The following LAMA2 variants were observed in gnomAD, a reference collection of about 807,000 sequenced individuals.
The protein encoded by LAMA2 is laminin subunit alpha 2, also known as laminin subunit alpha-2.
In LAMA2, 269 loss-of-function variants were observed where a neutral mutation model predicts 364.8. That is an observed-to-expected ratio of 0.74 (90% CI 0.67 to 0.82). The LOEUF is 0.82. LAMA2 is among the 40% of genes least tolerant of loss of function. The probability of loss-of-function intolerance (pLI) is 0.00; values close to 1 mark genes in which losing one functional copy is unlikely to be tolerated. For synonymous variants in LAMA2, 1,379 were observed against 1,370.6 expected (o/e 1.01, Z -0.14); for missense variants, 3,807 against 3,873.2 (o/e 0.98, Z 0.45).
chr6:129,193,432 A>T (rs1440808606), intron 12 of LAMA2, among the ~76,000 whole-genome samples: 1 of 152,256 alleles, frequency 6.6e-6, no homozygotes, highest in Admixed American at 6.5e-5. Flanking sequence ...TTTAAAGCCC[A>T]CACATATGTA....
At chr6:129,304,997 A>T (rs867512494) in intron 22 of LAMA2, among the ~76,000 whole-genome samples, 22 of 152,158 alleles carry the variant, frequency 1.4e-4, no homozygotes, top group African/African-American at 5.3e-4. Flanking sequence ...CGGTTTTTAG[A>T]TCTACATGTT....
At chr6:129,230,154 C>T (rs560025183) in intron 12 of LAMA2, among the ~76,000 whole-genome samples, 2 of 152,018 alleles carry the variant, frequency 1.3e-5, no homozygotes, top group Non-Finnish European at 2.9e-5. Flanking sequence ...TGAGGACGAA[C>T]TAGAAAGGAG....
chr6:128,941,847 C>T (rs1780181329), intron 1 of LAMA2, among the ~76,000 whole-genome samples: 1 of 152,082 alleles, frequency 6.6e-6, no homozygotes, highest in Admixed American at 6.6e-5. Context: ...TGCAGTTAGA[C>T]GTCATCACTG....
At chr6:129,499,621 G>A (rs903975019) in intron 58 of LAMA2, among the ~76,000 whole-genome samples, 6 of 152,282 alleles carry the variant, frequency 3.9e-5, no homozygotes, top group African/African-American at 1.4e-4. Context: ...TGAGCAGCTG[G>A]ATGAGCAGCT....
At chr6:129,204,108 A>G (rs1782468910) in intron 12 of LAMA2, among the ~76,000 whole-genome samples, 1 of 150,336 alleles carries the variant, frequency 6.7e-6, no homozygotes, top group Admixed American at 6.6e-5. Flanking sequence ...TGACAATCAG[A>G]GAGAGTTAAT....
intron 1 of LAMA2, among the ~76,000 whole-genome samples, chr6:128,918,655 A>T (rs1778503359): frequency 6.6e-6 from 1 of 152,150 alleles, no homozygotes; most frequent in African/African-American, 2.4e-5. Flanking sequence ...CCTTGTAACA[A>T]ATATAATATT....
chr6:129,239,608 T>A (rs1428377386), intron 12 of LAMA2, among the ~76,000 whole-genome samples: 3 of 152,166 alleles, frequency 2.0e-5, no homozygotes, highest in Non-Finnish European at 4.4e-5. Flanking sequence ...GACAGGTGGA[T>A]CTCTACTCAT....
chr6:128,886,917 G>A (rs2078163804), intron 1 of LAMA2, among the ~76,000 whole-genome samples: 1 of 152,180 alleles, frequency 6.6e-6, no homozygotes, highest in South Asian at 2.1e-4. Flanking sequence ...CCTCTACTGA[G>A]AGGAAGTTAA....
intron 29 of LAMA2, among the ~76,000 whole-genome samples, chr6:129,335,777 A>C (rs1378897232): frequency 6.6e-6 from 1 of 152,212 alleles, no homozygotes; most frequent in Non-Finnish European, 1.5e-5. Context: ...ATGCTAAGAA[A>C]ATGTAAGCAA....
intron 54 of LAMA2, among the ~76,000 whole-genome samples, chr6:129,480,511 TACAG>T (rs773025359): frequency 1.4e-4 from 21 of 152,044 alleles, no homozygotes; most frequent in Non-Finnish European, 2.8e-4. Flanking sequence ...TCATTTTAAA[TACAG>T]GGAGGAGGAG....
At chr6:129,268,385 A>G (rs747216489) in intron 16 of LAMA2, among the ~76,000 whole-genome samples, 2 of 152,070 alleles carry the variant, frequency 1.3e-5, no homozygotes, top group African/African-American at 2.4e-5. Context: ...ACTAACATGC[A>G]GTAGGAAATA....
chr6:129,006,706 C>A (rs575833684), intron 1 of LAMA2, among the ~76,000 whole-genome samples: 1 of 152,272 alleles, frequency 6.6e-6, no homozygotes, highest in East Asian at 1.9e-4. Flanking sequence ...TTAATACTCT[C>A]CTAGGGCTCT....
chr6:129,292,822 C>T, intron 20 of LAMA2: 1 of 985,790 alleles, frequency 1.0e-6, no homozygotes. Flanking sequence ...TGGCGGGATC[C>T]AGAGAAGCGA....
intron 61 of LAMA2, among the ~76,000 whole-genome samples, chr6:129,507,269 A>G (rs1346276871): frequency 6.6e-6 from 1 of 152,118 alleles, no homozygotes; most frequent in Non-Finnish European, 1.5e-5. Context: ...GTCATATTCC[A>G]GGATAGACAC....
chr6:129,025,075 A>G (rs976834063), intron 1 of LAMA2, among the ~76,000 whole-genome samples: 8 of 152,368 alleles, frequency 5.3e-5, no homozygotes, highest in African/African-American at 1.9e-4. Context: ...ATCTTGCAAC[A>G]GTAACAGTTT....
intron 1 of LAMA2, among the ~76,000 whole-genome samples, chr6:128,937,314 C>A (rs1280297534): frequency 2.0e-5 from 3 of 151,986 alleles, no homozygotes; most frequent in Non-Finnish European, 2.9e-5. Context: ...GAGATATTGG[C>A]CTGTAATTTT....
At chr6:129,502,805 G>A (rs371447590) in intron 59 of LAMA2, 34 bp downstream of exon 59, 67 of 1,305,980 alleles carry the variant, frequency 5.1e-5, no homozygotes, top group Non-Finnish European at 7.0e-5. Flanking sequence ...GGAAAGAACC[G>A]ATAAATGAAG....
chr6:129,341,094 A>G (rs1039700522), intron 29 of LAMA2, among the ~76,000 whole-genome samples: 1 of 152,220 alleles, frequency 6.6e-6, no homozygotes, highest in African/African-American at 2.4e-5. Context: ...TTCCATGGCA[A>G]TATCTGTGGT....
chr6:129,425,207 A>G (rs542801837), intron 40 of LAMA2, among the ~76,000 whole-genome samples: 1 of 152,042 alleles, frequency 6.6e-6, no homozygotes, highest in Non-Finnish European at 1.5e-5. Context: ...ATGGGTGTAC[A>G]TATTCAAAAC....
Sources: allele counts gnomAD v4.1 joint callset (sites outside exome capture counted in the v4.1 genomes callset), GRCh38; gene constraint gnomAD v4.1.1; transcripts MANE v1.5; gene names NCBI Gene and HGNC (gene_info 2026-07-23, HGNC 2026-07-21).